CELF4: variants seen among roughly 807,000 people sequenced by gnomAD.
CELF4 encodes the protein CUGBP Elav-like family member 4, also known as CUG-BP- and ETR-3-like factor 4.
A neutral mutation model predicts 59.9 loss-of-function variants in CELF4; 18 were observed. The ratio of observed to expected loss-of-function variants is 0.30; its 90% CI spans 0.21 to 0.45. The LOEUF (loss-of-function observed/expected upper bound fraction) is 0.45. CELF4 is among the 20% of genes least tolerant of loss of function. The pLI is 1.00. For synonymous variants in CELF4, 261 were observed against 267.1 expected, an observed-to-expected ratio of 0.98 and a Z score of 0.22; for missense variants, 456 against 689.0, an observed-to-expected ratio of 0.66 and a Z score of 3.79.
chr18:37,257,771 G>A (rs964561262), intron 11 of CELF4, among the ~76,000 whole-genome samples: 2 of 152,104 alleles, frequency 1.3e-5, no homozygotes, highest in African/African-American at 4.8e-5. Context: ...CTGAGTGTCT[G>A]GCAGACTCAG....
At chr18:37,274,583 C>A in intron 5 of CELF4, 129 bp from the exon 6 acceptor site, 1 of 1,576,316 alleles carries the variant, frequency 6.3e-7, no homozygotes, top group African/African-American at 1.4e-5. Flanking sequence ...CGGCGCTCGC[C>A]CAGGGGAATG....
At chr18:37,491,844 G>T (rs1012099084) in intron 1 of CELF4, among the ~76,000 whole-genome samples, 12 of 152,300 alleles carry the variant, frequency 7.9e-5, no homozygotes, top group Middle Eastern at 3.4e-3. Flanking sequence ...CTCCCATGTG[G>T]GGGGAAAACA....
At chr18:37,555,420 G>T (rs987584447) in intron 1 of CELF4, among the ~76,000 whole-genome samples, 1 of 152,072 alleles carries the variant, frequency 6.6e-6, no homozygotes, top group Non-Finnish European at 1.5e-5. Flanking sequence ...CTGTTTCCCC[G>T]GTCTCCTTGC....
intron 1 of CELF4, among the ~76,000 whole-genome samples, chr18:37,544,362 G>A (rs143753033): frequency 6.6e-5 from 10 of 152,258 alleles, no homozygotes; most frequent in South Asian, 2.1e-4. Context: ...GCTTGTCAGC[G>A]GAGCTGCGGG....
At chr18:37,399,587 C>T (rs1245636400) in intron 2 of CELF4, among the ~76,000 whole-genome samples, 2 of 152,182 alleles carry the variant, frequency 1.3e-5, no homozygotes, top group Admixed American at 6.5e-5. Context: ...GAACAACAGT[C>T]GCTCTAGAAG....
chr18:37,420,128 G>C (rs1488542672), intron 2 of CELF4, among the ~76,000 whole-genome samples: 1 of 152,192 alleles, frequency 6.6e-6, no homozygotes, highest in Non-Finnish European at 1.5e-5. Flanking sequence ...TATGTGGTGG[G>C]GGAACCTTGA....
At chr18:37,337,529 T>A (rs669284) in intron 2 of CELF4, among the ~76,000 whole-genome samples, 40 of 152,200 alleles carry the variant, frequency 2.6e-4, no homozygotes, top group African/African-American at 7.0e-4. Context: ...CTCCCTCATT[T>A]GTTCACCCAC....
chr18:37,547,160 G>GGTGTGTGTGTGTGTGTGTGTGTGT (rs59169669), intron 1 of CELF4, among the ~76,000 whole-genome samples: 4 of 144,170 alleles, frequency 2.8e-5, no homozygotes, highest in South Asian at 2.3e-4. Flanking sequence ...GTGTGTGTGT[G>GGTGTGTGTGTGTGTGTGTGTGTGT]GTGTGTGTGT....
intron 2 of CELF4, among the ~76,000 whole-genome samples, chr18:37,348,277 A>G (rs1338735510): frequency 6.6e-6 from 1 of 152,190 alleles, no homozygotes; most frequent in East Asian, 1.9e-4. Context: ...GGTGAGGCTC[A>G]GGAGCTACAC....
At position 37,408,499 on chromosome 18, in the gene CELF4, G is replaced by GA. The variant is rs1352378960; in HGVS notation, c.369+77025_369+77026insT. Among the ~76,000 whole-genome samples the GA allele has an allele frequency of 2.3e-3, 146 of 63,924 alleles. 2 individuals carry two copies. The highest frequency in any genetic ancestry group is 5.3e-3 in the African/African-American group (136 of 25,556). The allele number at this position is 63,924 out of a possible 152,430, so 41.9% of individuals were successfully genotyped here. ...TCCCCCTTTGGTTGGTGCCGGGGGG[G>GA]GGCGCGGTGCAGGAGGATGTGAGAG... On this transcript the variant is annotated intron_variant, in intron 2 of 12. Coordinates refer to ENST00000420428, the MANE Select transcript of CELF4 (RefSeq NM_020180.4).
At chr18:37,266,629 A>G in intron 8 of CELF4, 31 bp from the exon 9 acceptor site, 14 of 1,542,260 alleles carry the variant, frequency 9.1e-6, no homozygotes, top group Non-Finnish European at 1.2e-5. Context: ...AGAGGTCAGC[A>G]GTGCCCACCA....
At chr18:37,258,925 T>G in intron 11 of CELF4, 1 of 534,872 alleles carries the variant, frequency 1.9e-6, no homozygotes, top group Admixed American at 3.2e-5. Flanking sequence ...GGGAGCCAGG[T>G]TGTGTGGGTA....
chr18:37,442,715 C>T (rs190119590), intron 2 of CELF4, among the ~76,000 whole-genome samples: 32 of 152,264 alleles, frequency 2.1e-4, no homozygotes, highest in African/African-American at 7.5e-4. Context: ...AGAAGAGGCT[C>T]GGCCGCTGGT....
At chr18:37,338,863 C>T (rs1229974993) in intron 2 of CELF4, among the ~76,000 whole-genome samples, 1 of 151,916 alleles carries the variant, frequency 6.6e-6, no homozygotes, top group Non-Finnish European at 1.5e-5. Flanking sequence ...CCATGCCCAG[C>T]GCTGTGCCCC....
intron 2 of CELF4, among the ~76,000 whole-genome samples, chr18:37,423,444 G>A (rs2099592840): frequency 1.3e-5 from 2 of 152,218 alleles, no homozygotes; most frequent in Admixed American, 1.3e-4. Context: ...TCAAAGGTGG[G>A]CTTAGGAGGA....
At chr18:37,524,765 C>T (rs971750266) in intron 1 of CELF4, among the ~76,000 whole-genome samples, 2 of 152,180 alleles carry the variant, frequency 1.3e-5, no homozygotes, top group Admixed American at 6.5e-5. Flanking sequence ...GAACATCCCC[C>T]GAGCCGCAGG....
At chr18:37,474,361 G>A (rs928662306) in intron 2 of CELF4, among the ~76,000 whole-genome samples, 10 of 152,218 alleles carry the variant, frequency 6.6e-5, no homozygotes, top group South Asian at 2.1e-4. Context: ...GTGACACCTC[G>A]AGGGCCACTG....
chr18:37,335,917 A>C (rs1307586240), intron 2 of CELF4, among the ~76,000 whole-genome samples: 3 of 152,118 alleles, frequency 2.0e-5, no homozygotes, highest in African/African-American at 7.2e-5. Flanking sequence ...CTGTGGCAGG[A>C]ACATCACCGC....
intron 2 of CELF4, among the ~76,000 whole-genome samples, chr18:37,397,949 C>T (rs1475339271): frequency 6.6e-6 from 1 of 152,178 alleles, no homozygotes; most frequent in South Asian, 2.1e-4. Context: ...CTCTTTCCAG[C>T]AGGGGCTCCT....
Sources: gnomAD v4.1 joint callset for allele counts (sites outside exome capture counted in the v4.1 genomes callset) on GRCh38, gnomAD v4.1.1 for gene constraint, MANE v1.5 for transcripts, NCBI Gene and HGNC (gene_info 2026-07-23, HGNC 2026-07-21) for gene names.